TSPEAR: variants seen among roughly 807,000 people sequenced by gnomAD.
TSPEAR encodes the protein thrombospondin type laminin G domain and EAR repeats, also known as thrombospondin-type laminin G domain and EAR repeat-containing protein.
A neutral mutation model predicts 71.6 loss-of-function variants in TSPEAR; 69 were observed. The observed-to-expected ratio is 0.96, with a 90% confidence interval of 0.79 to 1.18. The LOEUF (loss-of-function observed/expected upper bound fraction) is 1.18, where lower values mean the gene tolerates loss of function less well. TSPEAR is among the 50% of genes most tolerant of loss of function. TSPEAR has a pLI of 0.00. For synonymous variants in TSPEAR, 402 were observed against 387.2 expected (o/e 1.04, Z -0.45); for missense variants, 971 against 894.9 (o/e 1.09, Z -1.09).
At chr21:44,618,325 G>C (rs145603496) in intron 1 of TSPEAR, among the ~76,000 whole-genome samples, 3 of 152,298 alleles carry the variant, frequency 2.0e-5, no homozygotes, top group African/African-American at 4.8e-5. Context: ...ATGACTGTAA[G>C]TTTCCTGAGG....
rs587698790 is a variant in TSPEAR, at chr21:44,680,534, GCTA to G, written c.82+30896_82+30898del. Among the ~76,000 whole-genome samples the G allele has an allele frequency of 1.2e-4, 19 of 152,274 alleles. No individual in the cohort carries two copies. The South Asian group carries it at 3.5e-3, about 28-fold the overall frequency. On this transcript the variant is annotated intron_variant, in intron 1 of 11. Coordinates refer to ENST00000323084, the MANE Select transcript of TSPEAR (RefSeq NM_144991.3). Reference sequence around the variant, plus strand: ...AACTACCATACTATCCAGCAATCCTGCTACTATTTATTCAAAGGATAGGGAATT... The same window carrying G: ...AACTACCATACTATCCAGCAATCCTGCTATTTATTCAAAGGATAGGGAATT...
At chr21:44,659,960 T>C (rs1317248507) in intron 1 of TSPEAR, among the ~76,000 whole-genome samples, 2 of 152,178 alleles carry the variant, frequency 1.3e-5, no homozygotes, top group African/African-American at 4.8e-5. Flanking sequence ...CAAGTGGATA[T>C]GGTAAAAATC....
intron 2 of TSPEAR, among the ~76,000 whole-genome samples, chr21:44,561,282 GGAA>G (rs782716735): frequency 1.3e-5 from 2 of 152,276 alleles, no homozygotes; most frequent in South Asian, 2.1e-4. Flanking sequence ...GACTAAACCA[GGAA>G]GAAGTTGAAT....
At chr21:44,554,547 T>G (rs2053495619) in intron 2 of TSPEAR, among the ~76,000 whole-genome samples, 1 of 152,214 alleles carries the variant, frequency 6.6e-6, no homozygotes, top group Non-Finnish European at 1.5e-5. Context: ...AAATGCAAAT[T>G]TCACATATTT....
intron 1 of TSPEAR, among the ~76,000 whole-genome samples, chr21:44,633,992 C>T (rs1983400101): frequency 6.6e-6 from 1 of 152,068 alleles, no homozygotes; most frequent in African/African-American, 2.4e-5. Flanking sequence ...TGCCTGTAAT[C>T]CCAACTACTC....
rs1284566390 is a variant in TSPEAR, at chr21:44,589,324, T to C, written c.83-21319A>G. 3.3e-5 allele frequency among the ~76,000 whole-genome samples: 5 copies of C among 152,198 alleles called. No homozygotes were observed. In the East Asian group the frequency reaches 7.7e-4, roughly 23 times the overall value. Reference sequence around the variant, plus strand: ...GGGAATGGGCCACATTTTGCTTGTGTGGATGGGCTGTGTTTTGCTTTGTCC... The same window carrying C: ...GGGAATGGGCCACATTTTGCTTGTGCGGATGGGCTGTGTTTTGCTTTGTCC... On this transcript the variant is annotated intron_variant, in intron 1 of 11. Coordinates refer to ENST00000323084, the MANE Select transcript of TSPEAR (RefSeq NM_144991.3).
At position 44,580,326 on chromosome 21, in the gene TSPEAR, G is replaced by A. The variant is rs782427557; in HGVS notation, c.83-12321C>T. 6 of 1,613,916 alleles carry A rather than the reference G, an allele frequency of 3.7e-6. No homozygotes were observed. The African/African-American group carries it at 8.0e-5, about 22-fold the overall frequency. On this transcript the variant is annotated intron_variant, in intron 1 of 11. Transcript: ENST00000323084. Reference sequence around the variant, plus strand: ...CAGACGGGCACGCAGCAGGCCTGCTGGCAGGGGGAGGAGGCGCAGCAAGCC... The same window carrying A: ...CAGACGGGCACGCAGCAGGCCTGCTAGCAGGGGGAGGAGGCGCAGCAAGCC...
chr21:44,657,292 T>C (rs1985208608), intron 1 of TSPEAR, among the ~76,000 whole-genome samples: 1 of 152,250 alleles, frequency 6.6e-6, no homozygotes, highest in Non-Finnish European at 1.5e-5. Flanking sequence ...TGGTACACAA[T>C]ATATATTTGT....
chr21:44,687,466 G>T lies in TSPEAR; in HGVS notation c.82+23967C>A, dbSNP rs989404332. Reference sequence around the variant, plus strand: ...CCACACCAGCACTGAGGGCGGCATTGCTTACGCACACGGCAACAGGAACGC... The same window carrying T: ...CCACACCAGCACTGAGGGCGGCATTTCTTACGCACACGGCAACAGGAACGC... On this transcript the variant is annotated intron_variant, in intron 1 of 11. Coordinates refer to ENST00000323084, the MANE Select transcript of TSPEAR (RefSeq NM_144991.3). This position sits in a 1 kb window ranked among gnomAD's most constrained non-coding sequence, Gnocchi z 4.4. 6.6e-6 allele frequency among the ~76,000 whole-genome samples: 1 copy of T among 152,254 alleles called. No homozygotes were observed. Among genetic ancestry groups the T allele is most frequent in the African/African-American group, 2.4e-5 (1 of 41,472 alleles).
intron 1 of TSPEAR, among the ~76,000 whole-genome samples, chr21:44,654,973 TCA>T (rs1414330419): frequency 1.3e-5 from 2 of 152,114 alleles, no homozygotes; most frequent in Non-Finnish European, 1.5e-5. Context: ...ACAAGCACAG[TCA>T]CACTCACTAC....
At chr21:44,581,706 T>C (rs1978985252) in intron 1 of TSPEAR, among the ~76,000 whole-genome samples, 1 of 152,240 alleles carries the variant, frequency 6.6e-6, no homozygotes, top group Admixed American at 6.5e-5. Context: ...TCAAGGTCTT[T>C]CCTTTTGTGA....
At chr21:44,628,220 C>A (rs1214997764) in intron 1 of TSPEAR, 5 of 762,718 alleles carry the variant, frequency 6.6e-6, no homozygotes, top group Admixed American at 3.0e-5. Context: ...GACCTCCCCC[C>A]CGGGCAGGCG....
chr21:44,518,596 G>A (rs782179577), intron 9 of TSPEAR: 8 of 464,712 alleles, frequency 1.7e-5, no homozygotes, highest in Admixed American at 1.2e-4. Flanking sequence ...CCTAGTTGAC[G>A]AGAAAGTCAC....
At chr21:44,707,594 C>A (rs1107120) in intron 1 of TSPEAR, among the ~76,000 whole-genome samples, 5 of 151,892 alleles carry the variant, frequency 3.3e-5, no homozygotes, top group African/African-American at 7.2e-5. Flanking sequence ...GGGGGCGGAG[C>A]GGGGGAAAAG....
chr21:44,570,541 C>T (rs901125999), intron 1 of TSPEAR, among the ~76,000 whole-genome samples: 1 of 152,206 alleles, frequency 6.6e-6, no homozygotes, highest in Non-Finnish European at 1.5e-5. Flanking sequence ...TTCACAGCCT[C>T]AGGCACAGGC....
chr21:44,702,840 C>G (rs1324957863), intron 1 of TSPEAR: 2 of 946,572 alleles, frequency 2.1e-6, no homozygotes, highest in East Asian at 4.8e-5. Context: ...TCAGGTTCCC[C>G]CCAACCTCTC....
intron 1 of TSPEAR, among the ~76,000 whole-genome samples, chr21:44,572,350 A>C (rs1601429102): frequency 6.6e-6 from 1 of 152,192 alleles, no homozygotes; most frequent in East Asian, 1.9e-4. Context: ...GAAACAGAGC[A>C]GCGCTGCTTT....
intron 1 of TSPEAR, among the ~76,000 whole-genome samples, chr21:44,571,697 G>A (rs115805688): frequency 2.6e-5 from 4 of 152,220 alleles, no homozygotes; most frequent in Admixed American, 6.5e-5. Flanking sequence ...GGGCCAAAAC[G>A]AAAGGACTTG....
chr21:44,537,514 A>G (rs368306798), intron 2 of TSPEAR, among the ~76,000 whole-genome samples: 61 of 152,376 alleles, frequency 4.0e-4, no homozygotes, highest in African/African-American at 1.4e-3. Context: ...CAGGCTATAC[A>G]AACATTTCTC....
Sources: allele counts gnomAD v4.1 joint callset (sites outside exome capture counted in the v4.1 genomes callset), GRCh38; gene constraint gnomAD v4.1.1; non-coding constraint Gnocchi (gnomAD v3.1); transcripts MANE v1.5; gene names NCBI Gene and HGNC (gene_info 2026-07-23, HGNC 2026-07-21).